Variants in PRKCZ observed in about 807,000 individuals in gnomAD.
PRKCZ encodes the protein protein kinase C zeta type.
A neutral mutation model predicts 79.5 loss-of-function variants in PRKCZ; 33 were observed. That is an observed-to-expected ratio of 0.41 (90% CI 0.31 to 0.55). The LOEUF (loss-of-function observed/expected upper bound fraction) is 0.55. Among genes scored for constraint, PRKCZ ranks in the 20% least tolerant of loss-of-function variants. The pLI is 0.19. For synonymous variants in PRKCZ, 342 were observed against 320.9 expected, an observed-to-expected ratio of 1.07 and a Z score of -0.70; for missense variants, 578 against 813.5, an observed-to-expected ratio of 0.71 and a Z score of 3.52.
At chr1:2,169,069 C>T (rs992483946) in intron 10 of PRKCZ, 1 of 449,204 alleles carries the variant, frequency 2.2e-6, no homozygotes, top group African/African-American at 2.0e-5. Flanking sequence ...ACTCCTCAGC[C>T]TTGCAGCAAT....
intron 4 of PRKCZ, among the ~76,000 whole-genome samples, chr1:2,070,908 C>A (rs1480345005): frequency 6.6e-6 from 1 of 152,098 alleles, no homozygotes; most frequent in Non-Finnish European, 1.5e-5. Context: ...CCAGATCCAT[C>A]CCCTGGCCCG....
chr1:2,149,129 C>T lies in PRKCZ; in HGVS notation c.687+205C>T, dbSNP rs1679324679. On this transcript the variant is annotated intron_variant, in intron 8 of 17. Coordinates refer to ENST00000378567, the MANE Select transcript of PRKCZ (RefSeq NM_002744.6). The surrounding 1 kb of genome is among the most constrained non-coding windows in gnomAD (Gnocchi z 4.1). ...CATGTCCTTGATGAATACCTGCAGG[C>T]AGCTGTCCCCGCAGGTGGTCTGGGG... Among the ~76,000 whole-genome samples, 1 of 152,214 alleles carries T rather than the reference C, an allele frequency of 6.6e-6. No homozygotes were observed. The highest frequency in any genetic ancestry group is 6.5e-5 in the Admixed American group (1 of 15,290).
intron 4 of PRKCZ, among the ~76,000 whole-genome samples, chr1:2,105,341 C>T (rs771567381): frequency 1.8e-4 from 27 of 152,162 alleles, no homozygotes; most frequent in Admixed American, 3.3e-4. Context: ...TGAGGGTGCC[C>T]GGGGCCCATC....
intron 5 of PRKCZ, chr1:2,141,056 C>CT (rs1677213947): frequency 6.6e-6 from 1 of 152,246 alleles, no homozygotes; most frequent in Non-Finnish European, 1.5e-5. Flanking sequence ...ATGAATTCCT[C>CT]TGAGTTTCTG....
At chr1:2,169,717 C>T (rs1431309164) in intron 11 of PRKCZ, 113 bp downstream of exon 11, 18 of 222,732 alleles carry the variant, frequency 8.1e-5, no homozygotes, top group African/African-American at 3.4e-4. Flanking sequence ...GGTGGGTGCG[C>T]GCGGAGTTGG....
intron 4 of PRKCZ, among the ~76,000 whole-genome samples, chr1:2,062,832 G>A (rs1300648919): frequency 6.6e-6 from 1 of 151,872 alleles, no homozygotes; most frequent in Non-Finnish European, 1.5e-5. Flanking sequence ...ACTGGTATTC[G>A]ATATTCGCAT....
At chr1:2,130,048 G>A (rs1397023122) in intron 4 of PRKCZ, among the ~76,000 whole-genome samples, 1 of 152,062 alleles carries the variant, frequency 6.6e-6, no homozygotes, top group African/African-American at 2.4e-5. Context: ...GACTATAGGT[G>A]CACGCCACCA....
intron 4 of PRKCZ, among the ~76,000 whole-genome samples, chr1:2,107,706 C>T (rs973089790): frequency 7.9e-5 from 12 of 151,914 alleles, no homozygotes; most frequent in Admixed American, 1.3e-4. Flanking sequence ...CCCCTCTACC[C>T]GGGCTGTGCC....
intron 4 of PRKCZ, among the ~76,000 whole-genome samples, chr1:2,079,486 G>A (rs753645982): frequency 7.9e-5 from 12 of 152,210 alleles, no homozygotes; most frequent in Non-Finnish European, 1.3e-4. Context: ...CTGAAGCTGC[G>A]TGGTCAGGCC....
intron 4 of PRKCZ, among the ~76,000 whole-genome samples, chr1:2,087,973 G>A (rs1383672649): frequency 6.6e-6 from 1 of 152,236 alleles, no homozygotes; most frequent in Non-Finnish European, 1.5e-5. Flanking sequence ...GGCTGCTGGT[G>A]CCTGGCGCGT....
intron 4 of PRKCZ, chr1:2,074,213 T>C (rs1661959454): frequency 2.7e-5 from 42 of 1,550,394 alleles, no homozygotes; most frequent in Non-Finnish European, 3.6e-5. Context: ...AATAAGGCTG[T>C]GGAGGGACCT....
chr1:2,164,360 A>G (rs1446625228), intron 10 of PRKCZ, among the ~76,000 whole-genome samples: 2 of 152,142 alleles, frequency 1.3e-5, no homozygotes, highest in African/African-American at 4.8e-5. Context: ...GTTTTAACTG[A>G]TGGACTTAAA....
intron 4 of PRKCZ, among the ~76,000 whole-genome samples, chr1:2,090,138 TTAAC>T (rs1665240621): frequency 6.6e-6 from 1 of 152,184 alleles, no homozygotes; most frequent in African/African-American, 2.4e-5. Context: ...CCTCACTCAC[TTAAC>T]TGATTACATC....
At chr1:2,143,470 C>G (rs1268253927) in intron 5 of PRKCZ, 1 of 152,262 alleles carries the variant, frequency 6.6e-6, no homozygotes, top group Non-Finnish European at 1.5e-5. Context: ...CACATGGTGA[C>G]AGTGCAGATG....
At chr1:2,102,525 G>C (rs928272042) in intron 4 of PRKCZ, among the ~76,000 whole-genome samples, 3 of 151,748 alleles carry the variant, frequency 2.0e-5, no homozygotes, top group African/African-American at 7.3e-5. Flanking sequence ...GTAGAGATGG[G>C]GTTTCACTGT....
chr1:2,174,672 C>G lies in PRKCZ; in HGVS notation c.1406-82C>G, dbSNP rs1685102024. On this transcript the variant is annotated intron_variant, in intron 14 of 17. Coordinates refer to ENST00000378567, the MANE Select transcript of PRKCZ (RefSeq NM_002744.6). The surrounding 1 kb of genome is among the most constrained non-coding windows in gnomAD (Gnocchi z 6.2). The stretch of plus-strand genomic sequence containing the variant: ...GCCCCAAGGCTGAGCTCCCAAAGCT[C>G]TTGCTCAGAGTCAGAGTCTGGGCGG... 1 of 1,438,488 alleles carries G rather than the reference C, an allele frequency of 7.0e-7. No individual in the cohort carries two copies. Among genetic ancestry groups the G allele is most frequent in the Non-Finnish European group, 9.7e-7 (1 of 1,033,558 alleles). 89.1% of individuals were successfully genotyped at this position (1,438,488 alleles called of 1,614,324 possible).
chr1:2,152,721 C>A (rs972940412), intron 9 of PRKCZ, among the ~76,000 whole-genome samples: 1 of 152,224 alleles, frequency 6.6e-6, no homozygotes. Context: ...TCTTCCTCTG[C>A]GGACTTCCGT....
At position 2,146,050 on chromosome 1, in the gene PRKCZ, G is replaced by A. The variant is rs372610376; in HGVS notation, c.576G>A (p.Glu192=). The change falls in exon 7 of 18, where the codon GAG becomes GAA. Residue 192 remains glutamate (E), a synonymous_variant. Transcript: ENST00000378567. ...KHMDSVMPSQ[E]PPVDDKNEDA... ...AGGATTCTGTCATGCCTTCCCAAGA[G>A]CCTCCAGTAGACGACAAGAACGAGG... The A allele has an allele frequency of 3.4e-5, 55 of 1,614,030 alleles. No homozygotes were observed. Among genetic ancestry groups the A allele is most frequent in the African/African-American group, 1.7e-4 (13 of 75,048 alleles).
At chr1:2,152,825 T>C (rs1486587442) in intron 9 of PRKCZ, among the ~76,000 whole-genome samples, 1 of 152,248 alleles carries the variant, frequency 6.6e-6, no homozygotes, top group Admixed American at 6.5e-5. Flanking sequence ...CAGGCCTTCC[T>C]CTCTCTGCCT....
Sources: allele counts gnomAD v4.1 joint callset (sites outside exome capture counted in the v4.1 genomes callset), GRCh38; gene constraint gnomAD v4.1.1; non-coding constraint Gnocchi (gnomAD v3.1); transcripts MANE v1.5; gene names NCBI Gene and HGNC (gene_info 2026-07-23, HGNC 2026-07-21).